The following PTPRK variants were observed in gnomAD, a reference collection of about 807,000 sequenced individuals.
PTPRK encodes protein tyrosine phosphatase receptor type K.
PTPRK carries 75 observed loss-of-function variants against 178.0 expected under a neutral mutation model. The ratio of observed to expected loss-of-function variants is 0.42; its 90% CI spans 0.35 to 0.51. The LOEUF is 0.51. Among genes scored for constraint, PTPRK ranks in the 20% least tolerant of loss-of-function variants. The pLI, the probability that PTPRK is intolerant of heterozygous loss-of-function variation, is 0.02. For synonymous variants in PTPRK, 637 were observed against 620.6 expected (o/e 1.03, Z -0.39); for missense variants, 1,441 against 1,797.8 (o/e 0.80, Z 3.59).
chr6:128,298,470 A>G (rs1344296379), intron 3 of PTPRK, among the ~76,000 whole-genome samples: 1 of 151,482 alleles, frequency 6.6e-6, no homozygotes, highest in African/African-American at 2.5e-5. Context: ...AAAATCCTCA[A>G]TAAAATACTG....
chr6:128,215,166 T>C (rs1809029864), intron 6 of PTPRK, among the ~76,000 whole-genome samples: 2 of 152,166 alleles, frequency 1.3e-5, no homozygotes, highest in South Asian at 4.1e-4. Flanking sequence ...CAATTTGCAA[T>C]AGAAATTGAG....
chr6:127,972,541 A>T (rs1224641588), intron 29 of PTPRK, among the ~76,000 whole-genome samples: 7 of 152,226 alleles, frequency 4.6e-5, no homozygotes, highest in Non-Finnish European at 7.3e-5. Context: ...TACAGTTGGT[A>T]AAAGCTGAAA....
chr6:128,321,838 G>C (rs1271264085), intron 3 of PTPRK: 1 of 738,374 alleles, frequency 1.4e-6, no homozygotes, highest in Admixed American at 2.0e-5. Flanking sequence ...CATCAACAGG[G>C]TGGGGAAGAA....
At chr6:128,486,123 C>T (rs927844164) in intron 1 of PTPRK, among the ~76,000 whole-genome samples, 1 of 151,696 alleles carries the variant, frequency 6.6e-6, no homozygotes, top group Admixed American at 6.6e-5. Flanking sequence ...CAGAATACTA[C>T]CAAAAATGCA....
chr6:128,353,826 CATG>C (rs1833534631), intron 2 of PTPRK, among the ~76,000 whole-genome samples: 1 of 152,162 alleles, frequency 6.6e-6, no homozygotes, highest in Admixed American at 6.5e-5. Context: ...TGACTCTACA[CATG>C]ATAAAACTGG....
chr6:128,246,958 C>A (rs1815571097), intron 3 of PTPRK, among the ~76,000 whole-genome samples: 2 of 152,146 alleles, frequency 1.3e-5, no homozygotes, highest in South Asian at 4.1e-4. Flanking sequence ...CCCTAGAGAA[C>A]AAGGACAACT....
At chr6:128,211,155 A>G (rs1298651001) in intron 6 of PTPRK, among the ~76,000 whole-genome samples, 1 of 152,108 alleles carries the variant, frequency 6.6e-6, no homozygotes, top group Admixed American at 6.6e-5. Flanking sequence ...AGCTAAAGTA[A>G]AGCCTGTACA....
At chr6:128,029,610 C>T (rs1774929170) in intron 13 of PTPRK, among the ~76,000 whole-genome samples, 2 of 149,772 alleles carry the variant, frequency 1.3e-5, no homozygotes, top group Admixed American at 1.3e-4. Flanking sequence ...GCACTCCAGC[C>T]TGGGTGACAG....
intron 13 of PTPRK, among the ~76,000 whole-genome samples, chr6:128,023,579 A>G (rs1773843523): frequency 6.6e-6 from 1 of 152,150 alleles, no homozygotes; most frequent in South Asian, 2.1e-4. Flanking sequence ...CTTTTAAACA[A>G]TATGATTAAA....
intron 3 of PTPRK, among the ~76,000 whole-genome samples, chr6:128,314,558 T>C (rs769898144): frequency 5.3e-5 from 8 of 152,234 alleles, no homozygotes; most frequent in Non-Finnish European, 1.0e-4. Context: ...TTCTGTCTCT[T>C]TTCTACTTAA....
intron 5 of PTPRK, among the ~76,000 whole-genome samples, chr6:128,232,608 A>T (rs1044606614): frequency 1.1e-4 from 16 of 152,202 alleles, no homozygotes; most frequent in African/African-American, 3.9e-4. Flanking sequence ...ATACTTTAGG[A>T]TCTATAAGGA....
chr6:128,114,968 C>T (rs1485225848), intron 7 of PTPRK, among the ~76,000 whole-genome samples: 1 of 151,110 alleles, frequency 6.6e-6, no homozygotes, highest in Non-Finnish European at 1.5e-5. Flanking sequence ...ATACATGTGT[C>T]TTATTCTGCG....
chr6:128,456,717 T>G (rs539431358), intron 1 of PTPRK, among the ~76,000 whole-genome samples: 13 of 152,268 alleles, frequency 8.5e-5, no homozygotes, highest in African/African-American at 3.1e-4. Context: ...TATGGACAAC[T>G]GCCTGGGTCT....
At chr6:128,368,026 A>G (rs947317840) in intron 2 of PTPRK, among the ~76,000 whole-genome samples, 3 of 152,182 alleles carry the variant, frequency 2.0e-5, no homozygotes, top group Non-Finnish European at 4.4e-5. Context: ...TTCACAATAA[A>G]AAATAATGCA....
At chr6:128,239,576 C>T (rs1276175975) in intron 5 of PTPRK, among the ~76,000 whole-genome samples, 3 of 152,100 alleles carry the variant, frequency 2.0e-5, no homozygotes, top group Non-Finnish European at 4.4e-5. Flanking sequence ...AACCCTCAAA[C>T]TCAAAAATTT....
At chr6:128,462,868 G>A (rs999440699) in intron 1 of PTPRK, among the ~76,000 whole-genome samples, 2 of 151,958 alleles carry the variant, frequency 1.3e-5, no homozygotes, top group Non-Finnish European at 2.9e-5. Flanking sequence ...TATTGGCCAG[G>A]CTGGTGTCGA....
intron 7 of PTPRK, among the ~76,000 whole-genome samples, chr6:128,168,629 T>C (rs1339947630): frequency 1.3e-5 from 2 of 152,040 alleles, no homozygotes; most frequent in Non-Finnish European, 2.9e-5. Context: ...GAACTGTGCA[T>C]AATGTTTTAA....
At chr6:128,001,083 C>G (rs984600193) in intron 15 of PTPRK, 17 of 749,824 alleles carry the variant, frequency 2.3e-5, no homozygotes, top group Non-Finnish European at 3.3e-5. Context: ...AATAATGTGA[C>G]TAGTAGTGAG....
At chr6:128,400,030 A>G (rs1256511680) in intron 1 of PTPRK, among the ~76,000 whole-genome samples, 1 of 152,238 alleles carries the variant, frequency 6.6e-6, no homozygotes, top group Admixed American at 6.5e-5. Context: ...ATTTTTTTGT[A>G]AAGAATTTTG....
Sources: allele counts gnomAD v4.1 joint callset (sites outside exome capture counted in the v4.1 genomes callset), GRCh38; gene constraint gnomAD v4.1.1; transcripts MANE v1.5; gene names NCBI Gene and HGNC (gene_info 2026-07-23, HGNC 2026-07-21).